Variants in POLR1C observed in about 807,000 individuals in gnomAD.
POLR1C encodes DNA-directed RNA polymerases I and III subunit RPAC1.
POLR1C carries 42 observed loss-of-function variants against 38.3 expected under a neutral mutation model. That is an observed-to-expected ratio of 1.10 (90% CI 0.86 to 1.42). The LOEUF (loss-of-function observed/expected upper bound fraction) is 1.42, where lower values mean the gene tolerates loss of function less well. POLR1C is among the 40% of genes most tolerant of loss of function. The pLI is 0.00. For synonymous variants in POLR1C, 163 were observed against 163.9 expected, an observed-to-expected ratio of 0.99 and a Z score of 0.04; for missense variants, 507 against 450.5, an observed-to-expected ratio of 1.13 and a Z score of -1.14.
chr6:43,519,996 G>T, intron 4 of POLR1C, 70 bp from the exon 5 acceptor site: 8 of 1,590,460 alleles, frequency 5.0e-6, no homozygotes, highest in Non-Finnish European at 6.9e-6. Flanking sequence ...TGGGAAACAC[G>T]TAAAGCATTC....
intron 10 of POLR1C, among the ~76,000 whole-genome samples, chr6:43,558,324 T>C (rs1194637956): frequency 6.6e-6 from 1 of 152,038 alleles, no homozygotes; most frequent in African/African-American, 2.4e-5. Flanking sequence ...AACAAAATAT[T>C]ATGCCTGGAA....
chr6:43,553,080 A>G, intron 10 of POLR1C, among the ~76,000 whole-genome samples: 1 of 152,134 alleles, frequency 6.6e-6, no homozygotes, highest in South Asian at 2.1e-4. Context: ...TTGGGAGGCC[A>G]AGGCAGGAGG....
chr6:43,531,349 G>A, downstream of POLR1C: 1 of 809,426 alleles, frequency 1.2e-6, no homozygotes, highest in Non-Finnish European at 2.0e-6. Flanking sequence ...TTTAACACTA[G>A]AATGATAAGT....
At chr6:43,556,249 C>T in intron 10 of POLR1C, 1 of 321,580 alleles carries the variant, frequency 3.1e-6, no homozygotes, top group Admixed American at 4.4e-5. Flanking sequence ...CAGGATTGGG[C>T]ACAGTAGCTC....
chr6:43,531,541 A>G, downstream of POLR1C: 1 of 1,613,972 alleles, frequency 6.2e-7, no homozygotes, highest in Non-Finnish European at 8.5e-7. Flanking sequence ...TGAAGACAGG[A>G]GAGTCATTGA....
intron 10 of POLR1C, chr6:43,551,574 G>GT: frequency 8.4e-7 from 1 of 1,186,480 alleles, no homozygotes; most frequent in Non-Finnish European, 1.2e-6. Flanking sequence ...CTAGGCTGGA[G>GT]TGCACAGTGG....
chr6:43,543,721 AGGGAAGACTCTTCCCT>A (rs1794823803), intron 9 of POLR1C, among the ~76,000 whole-genome samples: 1 of 151,702 alleles, frequency 6.6e-6, no homozygotes, highest in Non-Finnish European at 1.5e-5. Context: ...GCCCAGGGAC[AGGGAAGACTCTTCCCT>A]GTGATCTTGG....
intron 10 of POLR1C, chr6:43,553,591 T>C (rs1795365295): frequency 1.3e-6 from 2 of 1,486,734 alleles, no homozygotes; most frequent in African/African-American, 1.4e-5. Context: ...AGAGAGACAA[T>C]GGAGCCTTAG....
rs762469874 is a variant in POLR1C at position 43,549,566 on chromosome 6, G to A, written c.*5-1402G>A. On this transcript the variant is annotated intron_variant, in intron 9 of 10. Transcript: ENST00000607635. Reference sequence around the variant, plus strand: ...TGCCTCCTCACATTCCTCACTGCCCGGGTTCTGGGGGCCTGAAAAGAGACA... The same window carrying A: ...TGCCTCCTCACATTCCTCACTGCCCAGGTTCTGGGGGCCTGAAAAGAGACA... The A allele has an allele frequency of 3.7e-6, 6 of 1,612,932 alleles. No individual in the cohort carries two copies. The highest frequency in any genetic ancestry group is 4.2e-6 in the Non-Finnish European group (5 of 1,179,576).
downstream of POLR1C, chr6:43,533,774 A>T (rs559684002): frequency 7.9e-5 from 41 of 520,374 alleles, no homozygotes; most frequent in African/African-American, 6.3e-4. Flanking sequence ...GTTTGAGCCT[A>T]CAGTGAGCTA....
chr6:43,520,864 AT>A, intron 7 of POLR1C, 67 bp from the exon 8 acceptor site: 1 of 1,600,422 alleles, frequency 6.2e-7, no homozygotes. Flanking sequence ...TCCTAAAAGT[AT>A]AACCTGGTTT....
intron 9 of POLR1C, among the ~76,000 whole-genome samples, chr6:43,535,791 G>A (rs542204426): frequency 2.7e-4 from 37 of 136,878 alleles, no homozygotes; most frequent in Admixed American, 8.3e-4. Flanking sequence ...TCCAGCCTGT[G>A]TGACAGAGCG....
rs953580494 is a variant in POLR1C, at chr6:43,546,830, G to C, written c.*5-4138G>C. 3.6e-6 allele frequency: 5 copies of C among 1,379,304 alleles called. No homozygotes were observed. In the Admixed American group the frequency reaches 8.5e-5, roughly 24 times the overall value. 85.4% of individuals were successfully genotyped at this position (1,379,304 alleles called of 1,614,324 possible). On this transcript the variant is annotated intron_variant, in intron 9 of 10. Coordinates refer to the POLR1C transcript ENST00000607635. ...ACCAAATACTGTTAGATATATTCAA[G>C]GTTCTGGCAAAAGTGACACAGAGGC...
intron 9 of POLR1C, chr6:43,546,877 C>G (rs1794989449): frequency 1.0e-6 from 1 of 972,950 alleles, no homozygotes; most frequent in South Asian, 1.9e-5. Flanking sequence ...AAATAATCCT[C>G]TGCTCCCCGG....
At chr6:43,553,662 C>CA in intron 10 of POLR1C, 1 of 1,382,684 alleles carries the variant, frequency 7.2e-7, no homozygotes, top group Non-Finnish European at 9.4e-7. Context: ...TCAGCTGGGG[C>CA]AAAGAAAAGA....
At chr6:43,538,764 CA>C in intron 9 of POLR1C, 1 of 631,014 alleles carries the variant, frequency 1.6e-6, no homozygotes, top group Non-Finnish European at 2.6e-6. Flanking sequence ...TGGAGCACTA[CA>C]TTTTTCTTTT....
At chr6:43,533,727 C>A, downstream of POLR1C, 1 of 375,322 alleles carries the variant, frequency 2.7e-6, no homozygotes. Flanking sequence ...TCCAACTACT[C>A]GGGAGGCTGA....
intron 8 of POLR1C, chr6:43,528,872 G>A (rs755903379): frequency 1.9e-6 from 3 of 1,613,950 alleles, no homozygotes; most frequent in South Asian, 2.2e-5. Context: ...GGGGATACCA[G>A]GGCTTCATAG....
At chr6:43,550,005 A>G in intron 9 of POLR1C, 2 of 1,521,264 alleles carry the variant, frequency 1.3e-6, no homozygotes, top group Non-Finnish European at 1.8e-6. Flanking sequence ...TATGTTGCCC[A>G]GACTAGACTT....
Sources: allele counts gnomAD v4.1 joint callset (sites outside exome capture counted in the v4.1 genomes callset), GRCh38; gene constraint gnomAD v4.1.1; transcripts MANE v1.5; gene names NCBI Gene and HGNC (gene_info 2026-07-23, HGNC 2026-07-21).